The following AP4B1 variants were observed in gnomAD, a reference collection of about 807,000 sequenced individuals.
AP4B1 encodes the protein adaptor related protein complex 4 subunit beta 1.
In AP4B1, 49 loss-of-function variants were observed where a neutral mutation model predicts 76.5. The observed-to-expected ratio is 0.64, with a 90% CI of 0.51 to 0.81. The LOEUF is 0.81. Among genes scored for constraint, AP4B1 ranks in the 40% least tolerant of loss-of-function variants. The pLI, the probability that AP4B1 is intolerant of heterozygous loss-of-function variation, is 0.00. For synonymous variants in AP4B1, 330 were observed against 333.3 expected, an observed-to-expected ratio of 0.99 and a Z score of 0.11; for missense variants, 911 against 904.9, an observed-to-expected ratio of 1.01 and a Z score of -0.09.
intron 1 of AP4B1, 27 bp downstream of exon 1, chr1:113,904,578 T>G (rs1668733627): frequency 6.2e-7 from 1 of 1,606,952 alleles, no homozygotes; most frequent in Non-Finnish European, 8.5e-7. Context: ...AGGGAGCAGT[T>G]AGCACGCGAA....
intron 5 of AP4B1, chr1:113,899,384 CT>C: frequency 1.0e-6 from 1 of 993,084 alleles, no homozygotes; most frequent in Non-Finnish European, 1.2e-6. Flanking sequence ...CTGTGTTGGT[CT>C]ACATTCAGCA....
At chr1:113,904,952 C>G (rs1180253179), upstream of AP4B1, 2 of 502,242 alleles carry the variant, frequency 4.0e-6, no homozygotes, top group Non-Finnish European at 7.3e-6. Context: ...CGTCGGCCGG[C>G]AGGCCGTTCG....
chr1:113,898,126 A>T (rs1667720461), intron 6 of AP4B1, 183 bp from the exon 7 acceptor site: 2 of 1,137,028 alleles, frequency 1.8e-6, no homozygotes, highest in Non-Finnish European at 1.2e-6. Context: ...TTGAATGCAT[A>T]TTGCTCTTAT....
chr1:113,901,440 T>C lies in AP4B1; in HGVS notation c.470-57A>G, dbSNP rs990838162. The C allele has an allele frequency of 6.3e-6, 10 of 1,577,442 alleles. No homozygotes were observed. In the African/African-American group the frequency reaches 1.4e-4, roughly 21 times the overall value. On this transcript the variant is annotated intron_variant, in intron 3 of 9. Transcript: ENST00000369569. ...AAGGAAAGCTTCAGAGTAACAAGGA[T>C]GTAGCCAGAGTAATAGCTCCAGGTA...
intron 8 of AP4B1, 49 bp from the exon 9 acceptor site, chr1:113,896,087 T>C: frequency 6.2e-7 from 1 of 1,612,824 alleles, no homozygotes; most frequent in Non-Finnish European, 8.5e-7. Flanking sequence ...ACCACTTTCC[T>C]CCTACTCTTG....
At chr1:113,901,510 T>TAAAAAA in intron 3 of AP4B1, 127 bp from the exon 4 acceptor site, 1 of 1,236,424 alleles carries the variant, frequency 8.1e-7, no homozygotes, top group Admixed American at 2.3e-5. Context: ...AAGGCCACAC[T>TAAAAAA]AAAGTGCAAG....
Position 113,902,728 on chromosome 1 carries a change from G to A in AP4B1, c.248C>T (p.Ala83Val). The A allele has an allele frequency of 1.2e-6, 2 of 1,614,192 alleles. No individual in the cohort carries two copies. The highest frequency in any genetic ancestry group is 8.5e-7 in the Non-Finnish European group (1 of 1,180,052). Reference sequence around the variant, plus strand: ...GCACAGCGTATTGATGGCCAGGAGAGCCAGATCTGGTTTCAGGGGAGCATA... The same window carrying A: ...GCACAGCGTATTGATGGCCAGGAGAACCAGATCTGGTTTCAGGGGAGCATA... ...CTYAPLKPDL[A>V]LLAINTLCKD... The change falls in exon 2 of 10, where the codon GCT becomes GTT. Residue 83 changes from alanine to valine, a missense_variant. Transcript: ENST00000369569.
chr1:113,897,628 T>C, intron 7 of AP4B1: 2 of 609,720 alleles, frequency 3.3e-6, no homozygotes, highest in Non-Finnish European at 5.8e-6. Context: ...AAGAGAACAA[T>C]GGTATCACAG....
At position 113,895,140 on chromosome 1, in the gene AP4B1, T is replaced by A. The variant is rs969793953; in HGVS notation, c.2145A>T (p.Ala715=). ...TAAAACTATTCAGCGTCTCCGTTCT[T>A]GCTTCATTTTGTTTCACAGAGATCT... ...EMQISVKQNE[A]RTETLNSFIS... is the part of the protein sequence containing the mutation. Residue 715 remains alanine, a synonymous_variant, in exon 10 of 10, where the codon GCA becomes GCT. Coordinates refer to ENST00000369569, the MANE Select transcript of AP4B1 (RefSeq NM_001253852.3). 1.9e-6 allele frequency: 3 copies of A among 1,614,102 alleles called. No homozygotes were observed. The highest frequency in any genetic ancestry group is 2.7e-5 in the African/African-American group (2 of 74,930).
At chr1:113,898,913 AAAAAG>A in intron 5 of AP4B1, 112 bp from the exon 6 acceptor site, 1 of 1,060,152 alleles carries the variant, frequency 9.4e-7, no homozygotes, top group Non-Finnish European at 1.4e-6. Context: ...TAAAAAAAAA[AAAAAG>A]AAAAAAATTC....
In AP4B1 at chr1:113,904,672, C is replaced by G; in HGVS notation, c.46G>C (p.Ala16Pro). ...GCTTGAATGTGAGGATTGCACAGAG[C>G]CTTCTTCAGCTCCTTCACCACGTCC... Reference protein sequence around the residue: ...SEDVVKELKKALCNPHIQADR... With the variant: ...SEDVVKELKKPLCNPHIQADR... The change falls in exon 1 of 10, where the codon GCT becomes CCT. Residue 16 changes from alanine to proline, a missense_variant. Transcript: ENST00000369569. 1 of 1,612,986 alleles carries G rather than the reference C, an allele frequency of 6.2e-7. No individual in the cohort carries two copies. The highest frequency in any genetic ancestry group is 8.5e-7 in the Non-Finnish European group (1 of 1,180,016).
rs1667265552 is a variant in AP4B1, at chr1:113,894,514, A to G, written c.*551T>C. 6.6e-6 allele frequency among the ~76,000 whole-genome samples: 1 copy of G among 152,228 alleles called. No individual in the cohort carries two copies. The highest frequency in any genetic ancestry group is 2.4e-5 in the African/African-American group (1 of 41,460). On this transcript the variant is annotated 3_prime_UTR_variant, in exon 10 of 10. Transcript: ENST00000369569. ...AATAAAAGCAGGTTTAAGTTAACAC[A>G]GAGGTGAAAGAAGCAGGTGTATAAA...
Position 113,896,399 on chromosome 1 carries a change from A to G in AP4B1, c.1369T>C (p.Leu457=). 6.2e-7 allele frequency: 1 copy of G among 1,614,206 alleles called. No individual in the cohort carries two copies. Among genetic ancestry groups the G allele is most frequent in the Non-Finnish European group, 8.5e-7 (1 of 1,180,042 alleles). ...TTCACATTCTCAACAAAGTCCTCTA[A>G]CACATAAGGAGCATTAGGAATTCTT... The part of the protein sequence containing the change: ...GERIPNAPYV[L]EDFVENVKSE... The change falls in exon 8 of 10, where the codon TTA becomes CTA. Residue 457 remains leucine (L), a synonymous_variant. Coordinates refer to ENST00000369569, the MANE Select transcript of AP4B1 (RefSeq NM_001253852.3).
chr1:113,899,792 T>G (rs1667976731), intron 5 of AP4B1, 112 bp downstream of exon 5: 1 of 1,551,204 alleles, frequency 6.4e-7, no homozygotes, highest in Non-Finnish European at 8.9e-7. Flanking sequence ...TAGTGCATAG[T>G]ACTTTGCTTC....
Position 113,904,637 on chromosome 1 carries a change from C to G in AP4B1, c.81G>C (p.Leu27=). The G allele has an allele frequency of 6.2e-7, 1 of 1,613,826 alleles. No homozygotes were observed. The highest frequency in any genetic ancestry group is 1.1e-5 in the South Asian group (1 of 91,050). ...CTCGCTGGATGACATTCCGGTAGCG[C>G]AGCCTATCAGCTTGAATGTGAGGAT... ...LCNPHIQADR[L]RYRNVIQRVI... is the part of the protein sequence containing the mutation. Residue 27 remains leucine, a synonymous_variant, in exon 1 of 10, where the codon CTG becomes CTC. Coordinates refer to ENST00000369569, the MANE Select transcript of AP4B1 (RefSeq NM_001253852.3).
At chr1:113,903,823 G>A (rs1469030652) in intron 1 of AP4B1, among the ~76,000 whole-genome samples, 1 of 152,092 alleles carries the variant, frequency 6.6e-6, no homozygotes, top group African/African-American at 2.4e-5. Flanking sequence ...GTCTCCTACT[G>A]GAACCAACTG....
At chr1:113,895,555 C>T in intron 9 of AP4B1, 63 bp from the exon 10 acceptor site, 6 of 1,592,644 alleles carry the variant, frequency 3.8e-6, no homozygotes, top group Non-Finnish European at 5.2e-6. Context: ...AGTTTTTTAT[C>T]CAAATTCCCA....
rs751654206 is a variant in AP4B1, at chr1:113,901,842, CA to C, written c.381del (p.Asn127LysfsTer30). 1 of 1,614,154 alleles carries C rather than the reference CA, an allele frequency of 6.2e-7. No individual in the cohort carries two copies. The highest frequency in any genetic ancestry group is 8.5e-7 in the Non-Finnish European group (1 of 1,180,016). ...ACATATGAAGCCTTATCCCGCAGAC[CA>C]TTGAGAATAGGCTGTTGTATATACT... Reference protein sequence around the residue: ...VQEYIQQPILNGLRDKASYVR... With the variant: ...VQEYIQQPILXGLRDKASYVR... On this transcript the variant is annotated frameshift_variant, in exon 3 of 10. Transcript: ENST00000369569. LOFTEE classifies it high-confidence loss of function.
chr1:113,901,158 G>A (rs1668200997), intron 4 of AP4B1, 78 bp downstream of exon 4: 1 of 1,547,418 alleles, frequency 6.5e-7, no homozygotes, highest in Admixed American at 1.7e-5. Flanking sequence ...CACATAAGTT[G>A]TTCAATACTT....
Sources: gnomAD v4.1 joint callset for allele counts (sites outside exome capture counted in the v4.1 genomes callset) on GRCh38, gnomAD v4.1.1 for gene constraint, MANE v1.5 for transcripts, NCBI Gene and HGNC (gene_info 2026-07-23, HGNC 2026-07-21) for gene names.